Variants in DGKG observed in about 807,000 individuals in gnomAD.
The protein encoded by DGKG is diacylglycerol kinase gamma.
In DGKG, 78 loss-of-function variants were observed where a neutral mutation model predicts 105.3. That is an observed-to-expected ratio of 0.74 (90% CI 0.62 to 0.89). DGKG has a LOEUF of 0.89. Ranked by LOEUF, DGKG falls within the 40% of genes least tolerant of loss-of-function variation. DGKG has a pLI of 0.00. For missense variants in DGKG, 958 were observed against 1,020.1 expected (o/e 0.94, Z 0.83); for synonymous variants, 346 against 367.1 (o/e 0.94, Z 0.66).
intron 21 of DGKG, among the ~76,000 whole-genome samples, chr3:186,193,589 G>C (rs1206933797): frequency 6.6e-6 from 1 of 152,248 alleles, no homozygotes; most frequent in Non-Finnish European, 1.5e-5. Context: ...CAGAGTTCCT[G>C]GCCTCGCGAT....
Position 186,149,459 on chromosome 3 carries a change from C to T in DGKG, c.*631G>A, listed in dbSNP as rs893067746. Reference sequence around the variant, plus strand: ...GAAAATAACAAGTGCCCACCGACGGCGCAGAAACCCAAGAATGGAAATACA... The same window carrying T: ...GAAAATAACAAGTGCCCACCGACGGTGCAGAAACCCAAGAATGGAAATACA... On this transcript the variant is annotated 3_prime_UTR_variant, in exon 25 of 25. Coordinates refer to ENST00000265022, the MANE Select transcript of DGKG (RefSeq NM_001346.3). 2.4e-4 allele frequency: 241 copies of T among 985,320 alleles called. No individual in the cohort carries two copies. Among genetic ancestry groups the T allele is most frequent in the Non-Finnish European group, 2.7e-4 (227 of 829,956 alleles). The allele number at this position is 985,320 out of a possible 1,614,324, so 61.0% of individuals were successfully genotyped here.
rs199557988 is a variant in DGKG at position 186,288,886 on chromosome 3, A to G, written c.374-6T>C. 1 of 1,547,398 alleles carries G rather than the reference A, an allele frequency of 6.5e-7. No individual in the cohort carries two copies. The highest frequency in any genetic ancestry group is 2.3e-5 in the East Asian group (1 of 42,914). On this transcript the variant is annotated splice_region_variant and splice_polypyrimidine_tract_variant and intron_variant, in intron 5 of 24. Transcript: ENST00000265022. Reference sequence around the variant, plus strand: ...CTTCTCAGCCATATTTGATTCTGCGATGAACAAAAGGAAAACATCCAAGGA... The same window carrying G: ...CTTCTCAGCCATATTTGATTCTGCGGTGAACAAAAGGAAAACATCCAAGGA...
intron 20 of DGKG, among the ~76,000 whole-genome samples, chr3:186,212,907 C>T (rs2108521557): frequency 6.6e-6 from 1 of 152,308 alleles, no homozygotes; most frequent in East Asian, 1.9e-4. Context: ...AATCCTCTCT[C>T]CTCAGGTTTG....
intron 1 of DGKG, among the ~76,000 whole-genome samples, chr3:186,357,636 G>T (rs1036123020): frequency 3.9e-5 from 6 of 152,192 alleles, no homozygotes; most frequent in African/African-American, 1.4e-4. Context: ...GTGGGACTCA[G>T]AGTCGGTGCC....
chr3:186,298,065 T>A lies in DGKG; in HGVS notation c.309A>T (p.Ala103=). ...CATCTTGGGGAAAGCTCTGTGTACC[T>A]GCGCTGTTGGCCTCACTGTTGCTGG... ...EGASNSEANS[A]DTNIQNADNA... is the part of the protein sequence containing the mutation. Residue 103 remains alanine, a splice_region_variant and synonymous_variant, in exon 4 of 25, where the codon GCA becomes GCT. Coordinates refer to ENST00000265022, the MANE Select transcript of DGKG (RefSeq NM_001346.3). The A allele has an allele frequency of 6.2e-7, 1 of 1,606,578 alleles. No homozygotes were observed. Among genetic ancestry groups the A allele is most frequent in the Non-Finnish European group, 8.5e-7 (1 of 1,176,714 alleles).
chr3:186,284,520 G>A lies in DGKG; in HGVS notation c.594+140C>T. On this transcript the variant is annotated intron_variant, in intron 7 of 24. Transcript: ENST00000265022. The surrounding 1 kb of genome is among the most constrained non-coding windows in gnomAD (Gnocchi z 4.0). ...GGAAATAGCGGGTGGAGAGGTCCTA[G>A]TCGGATTTCCTCAGCCTGCATCGAG... 1.3e-6 allele frequency: 1 copy of A among 763,574 alleles called. No homozygotes were observed. The highest frequency in any genetic ancestry group is 2.3e-6 in the Non-Finnish European group (1 of 439,470). 47.3% of individuals were successfully genotyped at this position (763,574 alleles called of 1,614,324 possible).
chr3:186,310,303 A>G (rs936258908), intron 2 of DGKG, among the ~76,000 whole-genome samples: 4 of 148,384 alleles, frequency 2.7e-5, no homozygotes, highest in African/African-American at 9.9e-5. Context: ...CACACACACA[A>G]CAAGAATCCA....
At chr3:186,233,107 G>C (rs1468767118) in intron 20 of DGKG, among the ~76,000 whole-genome samples, 2 of 152,272 alleles carry the variant, frequency 1.3e-5, no homozygotes, top group East Asian at 3.9e-4. Flanking sequence ...GTGGCAAAGG[G>C]GCGAAGGGGG....
At chr3:186,307,916 C>G (rs1468713380) in intron 2 of DGKG, among the ~76,000 whole-genome samples, 1 of 130,668 alleles carries the variant, frequency 7.7e-6, no homozygotes, top group African/African-American at 2.8e-5. Flanking sequence ...TATTTTTTAT[C>G]TTGATGGATA....
At position 186,279,873 on chromosome 3, in the gene DGKG, A is replaced by C. The variant is rs1560131023; in HGVS notation, c.770T>G (p.Val257Gly). 1.2e-6 allele frequency: 2 copies of C among 1,613,924 alleles called. No homozygotes were observed. The highest frequency in any genetic ancestry group is 1.7e-6 in the Non-Finnish European group (2 of 1,179,920). ...HGGMTTIPLL[V>G]LLGMDDSGSK... ...TACAGAGTCATCCATCCCCAGGAGGACCAGCAATGGGATGGTGGTCATCCC... is the reference window on the plus strand; with the variant it reads ...TACAGAGTCATCCATCCCCAGGAGGCCCAGCAATGGGATGGTGGTCATCCC... The change falls in exon 9 of 25, where the codon GTC (valine) becomes GGC (glycine). Residue 257 changes from valine (V) to glycine (G), a missense_variant. Val to Gly is a moderately radical substitution (Grantham distance 109). Coordinates refer to ENST00000265022, the MANE Select transcript of DGKG (RefSeq NM_001346.3).
chr3:186,252,834 A>C (rs1721288284), intron 18 of DGKG, among the ~76,000 whole-genome samples: 1 of 152,170 alleles, frequency 6.6e-6, no homozygotes, highest in South Asian at 2.1e-4. Flanking sequence ...AGCAGGCTCT[A>C]AGTTGATGGT....
chr3:186,361,488 C>G lies in DGKG; in HGVS notation c.-249+458G>C, dbSNP rs570362745. Among the ~76,000 whole-genome samples the G allele has an allele frequency of 4.6e-5, 7 of 152,160 alleles. No homozygotes were observed. The highest frequency in any genetic ancestry group is 1.7e-4 in the African/African-American group (7 of 41,448). ...TGCGCAGGGGCTTTGTGGAGTGCCC[C>G]CAAAGTCCTAGAACCCCGCGGGACG... On this transcript the variant is annotated intron_variant, in intron 1 of 24. Transcript: ENST00000265022. This position sits in a 1 kb window ranked among gnomAD's most constrained non-coding sequence, Gnocchi z 6.8.
Position 186,279,918 on chromosome 3 carries a change from A to G in DGKG, c.725T>C (p.Leu242Pro). ...MDYDRDGFVS[L>P]QEWVHGGMTT... The stretch of plus-strand genomic sequence containing the variant: ...CATCCCTCCATGGACCCATTCCTGT[A>G]GAGACACAAAGCCGTCCCGGTCGTA... The change falls in exon 9 of 25, where the codon CTA (leucine) becomes CCA (proline). Residue 242 changes from leucine to proline, a missense_variant. This residue lies in a region of DGKG where 643 missense variants were observed against 619.5 expected (regional missense o/e 1.04). Coordinates refer to ENST00000265022, the MANE Select transcript of DGKG (RefSeq NM_001346.3). 6.2e-7 allele frequency: 1 copy of G among 1,614,170 alleles called. No homozygotes were observed. The highest frequency in any genetic ancestry group is 8.5e-7 in the Non-Finnish European group (1 of 1,179,988).
At chr3:186,310,298 A>C (rs1724478007) in intron 2 of DGKG, among the ~76,000 whole-genome samples, 1 of 138,714 alleles carries the variant, frequency 7.2e-6, no homozygotes, top group Non-Finnish European at 1.6e-5. Context: ...AACCACACAC[A>C]CACAACAAGA....
chr3:186,174,797 T>C (rs887018666), intron 22 of DGKG, among the ~76,000 whole-genome samples: 11 of 152,054 alleles, frequency 7.2e-5, no homozygotes, highest in African/African-American at 2.7e-4. Flanking sequence ...ATGGGTTGGA[T>C]ACTCTTAGGC....
intron 18 of DGKG, 143 bp from the exon 19 acceptor site, chr3:186,252,062 G>C: frequency 1.4e-6 from 1 of 711,180 alleles, no homozygotes; most frequent in South Asian, 2.7e-5. Context: ...AGACACTTAC[G>C]TTCCCCGAGC....
intron 9 of DGKG, among the ~76,000 whole-genome samples, chr3:186,275,948 C>G (rs1347886374): frequency 3.6e-5 from 1 of 27,758 alleles, no homozygotes; most frequent in African/African-American, 1.2e-4. Context: ...ACAATCTGAT[C>G]TATCTATCTA....
chr3:186,296,112 C>CAAAAAAAAAAA (rs36070727), intron 5 of DGKG, among the ~76,000 whole-genome samples: 2 of 143,390 alleles, frequency 1.4e-5, no homozygotes, highest in African/African-American at 2.6e-5. Context: ...TTATCTCAGA[C>CAAAAAAAAAAA]AAAAAAAAAA....
At chr3:186,300,705 A>C (rs1432168217) in intron 3 of DGKG, among the ~76,000 whole-genome samples, 8 of 152,262 alleles carry the variant, frequency 5.3e-5, no homozygotes, top group African/African-American at 1.9e-4. Context: ...GAAAACTATC[A>C]GAATAAAATA....
Sources: gnomAD v4.1 joint callset for allele counts (sites outside exome capture counted in the v4.1 genomes callset) on GRCh38, gnomAD v4.1.1 for gene constraint, gnomAD v4.1.1 regional missense constraint, Gnocchi (gnomAD v3.1) non-coding constraint, MANE v1.5 for transcripts, NCBI Gene and HGNC (gene_info 2026-07-23, HGNC 2026-07-21) for gene names.